The following SMURF1 variants were observed in gnomAD, a reference collection of about 807,000 sequenced individuals.
SMURF1 encodes E3 ubiquitin-protein ligase SMURF1.
A neutral mutation model predicts 98.0 loss-of-function variants in SMURF1; 44 were observed. That is an observed-to-expected ratio of 0.45 (90% CI 0.35 to 0.58). The LOEUF is 0.58. Among genes scored for constraint, SMURF1 ranks in the 20% least tolerant of loss-of-function variants. The pLI is 0.00. For synonymous variants in SMURF1, 396 were observed against 374.9 expected (o/e 1.06, Z -0.65); for missense variants, 687 against 938.4 (o/e 0.73, Z 3.50).
intron 1 of SMURF1, among the ~76,000 whole-genome samples, chr7:99,132,054 G>A (rs1396667462): frequency 6.6e-6 from 1 of 152,104 alleles, no homozygotes; most frequent in Non-Finnish European, 1.5e-5. Context: ...TACAAAGCTG[G>A]GCCAAATTCC....
chr7:99,075,676 T>C (rs887007484), intron 1 of SMURF1, among the ~76,000 whole-genome samples: 2 of 152,096 alleles, frequency 1.3e-5, no homozygotes, highest in Non-Finnish European at 2.9e-5. Flanking sequence ...CAGTGTCATG[T>C]GTAACAACAG....
intron 10 of SMURF1, among the ~76,000 whole-genome samples, chr7:99,046,884 C>T (rs1795599976): frequency 6.6e-6 from 1 of 152,178 alleles, no homozygotes; most frequent in South Asian, 2.1e-4. Context: ...GGCGCTGTGG[C>T]CAAGCTGCCC....
chr7:99,137,529 T>C (rs1798019363), intron 1 of SMURF1, among the ~76,000 whole-genome samples: 2 of 152,238 alleles, frequency 1.3e-5, no homozygotes, highest in Non-Finnish European at 2.9e-5. Context: ...ATCTACAATC[T>C]GCAGCTTCGT....
chr7:99,134,182 G>A (rs760583415), intron 1 of SMURF1, among the ~76,000 whole-genome samples: 8 of 135,048 alleles, frequency 5.9e-5, no homozygotes, highest in Non-Finnish European at 1.1e-4. Context: ...GTTTTGTTTC[G>A]TTTTTTTTTG....
chr7:99,107,636 A>C (rs969010811), intron 1 of SMURF1, among the ~76,000 whole-genome samples: 1 of 152,166 alleles, frequency 6.6e-6, no homozygotes, highest in Non-Finnish European at 1.5e-5. Context: ...AGCCATTCTC[A>C]CTGCAAACGA....
rs564849263 is a variant in SMURF1, at chr7:99,078,065, G to A, written c.56-16228C>T. ...TATAATCCCAGCACTTTGGGAGGCC[G>A]AGGCAGGTGGATCACCTGAGGTCAG... On this transcript the variant is annotated intron_variant, in intron 1 of 17. Coordinates refer to ENST00000361368, the MANE Select transcript of SMURF1 (RefSeq NM_181349.3). Among the ~76,000 whole-genome samples, 110 of 152,216 alleles carry A rather than the reference G, an allele frequency of 7.2e-4. 1 individual carries two copies. Among genetic ancestry groups the A allele is most frequent in the African/African-American group, 2.6e-3 (106 of 41,548 alleles).
At chr7:99,093,622 A>C (rs2150581113) in intron 1 of SMURF1, among the ~76,000 whole-genome samples, 2 of 152,246 alleles carry the variant, frequency 1.3e-5, no homozygotes, top group East Asian at 3.8e-4. Context: ...GCAAAAAAAA[A>C]AAATCATTTT....
intron 1 of SMURF1, among the ~76,000 whole-genome samples, chr7:99,063,774 T>A (rs1289535628): frequency 7.3e-6 from 1 of 136,438 alleles, no homozygotes; most frequent in Non-Finnish European, 1.6e-5. Flanking sequence ...GGTTTATCAA[T>A]ATACTTTTTT....
chr7:99,143,994 TTCCAGCCGAG>T lies in SMURF1; in HGVS notation c.-224_-215del. 2.7e-6 allele frequency: 1 copy of T among 376,510 alleles called. No individual in the cohort carries two copies. Among genetic ancestry groups the T allele is most frequent in the Non-Finnish European group, 4.6e-6 (1 of 215,526 alleles). 23.3% of individuals were successfully genotyped at this position (376,510 alleles called of 1,614,324 possible). A position where few individuals can be genotyped will look rare whatever the true frequency, so the allele number is the denominator to read the frequency against. ...GCTGCGGCGCTCTGACCCTCGCTGC[TTCCAGCCGAG>T]CCCAGTCCCGAGCCGCCGCCGCCTC... On this transcript the variant is annotated 5_prime_UTR_variant, in exon 1 of 18. Transcript: ENST00000361368.
intron 10 of SMURF1, 105 bp downstream of exon 10, chr7:99,047,579 T>A: frequency 8.5e-7 from 1 of 1,179,862 alleles, no homozygotes; most frequent in African/African-American, 1.5e-5. Context: ...CACAAAGCAG[T>A]TCATTTAAAG....
At chr7:99,065,875 G>A (rs1410873115) in intron 1 of SMURF1, among the ~76,000 whole-genome samples, 2 of 152,030 alleles carry the variant, frequency 1.3e-5, no homozygotes, top group African/African-American at 2.4e-5. Context: ...GTGAAACCCC[G>A]TCTCTACTAA....
At chr7:99,118,644 CAG>C (rs937055934) in intron 1 of SMURF1, among the ~76,000 whole-genome samples, 11 of 152,092 alleles carry the variant, frequency 7.2e-5, no homozygotes, top group African/African-American at 2.2e-4. Flanking sequence ...GTTGGGGGAA[CAG>C]AAAGTGACTG....
chr7:99,034,266 CG>C (rs1795035138), intron 16 of SMURF1, among the ~76,000 whole-genome samples: 1 of 152,204 alleles, frequency 6.6e-6, no homozygotes, highest in African/African-American at 2.4e-5. Flanking sequence ...ACTCCCTGTT[CG>C]GGACTGTGAC....
chr7:99,096,583 A>G (rs1796960579), intron 1 of SMURF1, among the ~76,000 whole-genome samples: 1 of 152,248 alleles, frequency 6.6e-6, no homozygotes, highest in African/African-American at 2.4e-5. Flanking sequence ...ACAGTACATA[A>G]TAATAAAAGG....
At chr7:99,061,432 A>G (rs183421385) in intron 2 of SMURF1, among the ~76,000 whole-genome samples, 1 of 152,316 alleles carries the variant, frequency 6.6e-6, no homozygotes, top group East Asian at 1.9e-4. Flanking sequence ...AATTTATAAA[A>G]TCTGATTAAC....
intron 1 of SMURF1, among the ~76,000 whole-genome samples, chr7:99,101,649 G>T (rs1312576849): frequency 1.3e-5 from 2 of 152,144 alleles, no homozygotes; most frequent in African/African-American, 2.4e-5. Flanking sequence ...GGAAAAAAAT[G>T]ATACACACGG....
At chr7:99,044,459 T>G (rs1047539697) in intron 11 of SMURF1, among the ~76,000 whole-genome samples, 3 of 152,306 alleles carry the variant, frequency 2.0e-5, no homozygotes, top group Middle Eastern at 3.4e-3. Flanking sequence ...TTACAAATAA[T>G]TGGTAGACAA....
At chr7:99,059,209 C>T (rs1442009627) in intron 3 of SMURF1, among the ~76,000 whole-genome samples, 1 of 151,018 alleles carries the variant, frequency 6.6e-6, no homozygotes, top group Non-Finnish European at 1.5e-5. Context: ...ACCATCCCGG[C>T]TAAAACGGTG....
At position 99,027,647 on chromosome 7, in the gene SMURF1, G is replaced by C. The variant is rs1031242245; in HGVS notation, c.*2937C>G. The C allele has an allele frequency of 4.6e-5, 7 of 152,546 alleles. No homozygotes were observed. The highest frequency in any genetic ancestry group is 1.7e-4 in the African/African-American group (7 of 41,408). 9.4% of individuals were successfully genotyped at this position (152,546 alleles called of 1,614,324 possible). A position where few individuals can be genotyped will look rare whatever the true frequency, so the allele number is the denominator to read the frequency against. On this transcript the variant is annotated 3_prime_UTR_variant, in exon 18 of 18. Coordinates refer to ENST00000361368, the MANE Select transcript of SMURF1 (RefSeq NM_181349.3). ...AAATCAGTGATAAAAACAGTGGGAA[G>C]GATAACAAGGATAGCAGCAATACTT...
Sources: allele counts gnomAD v4.1 joint callset (sites outside exome capture counted in the v4.1 genomes callset), GRCh38; gene constraint gnomAD v4.1.1; transcripts MANE v1.5; gene names NCBI Gene and HGNC (gene_info 2026-07-23, HGNC 2026-07-21).